The following TUFT1 variants were observed in gnomAD, a reference collection of about 807,000 sequenced individuals.
The protein encoded by TUFT1 is tuftelin.
Under a neutral mutation model 57.8 loss-of-function variants are expected in TUFT1, and 43 were observed. The observed-to-expected ratio is 0.74, with a 90% CI of 0.58 to 0.96. The LOEUF (loss-of-function observed/expected upper bound fraction) is 0.96, where lower values mean the gene tolerates loss of function less well. Ranked by LOEUF, TUFT1 falls within the 40% of genes least tolerant of loss-of-function variation. TUFT1 has a pLI of 0.00. For synonymous variants in TUFT1, 166 were observed against 176.7 expected, an observed-to-expected ratio of 0.94 and a Z score of 0.48; for missense variants, 459 against 489.0, an observed-to-expected ratio of 0.94 and a Z score of 0.58.
chr1:151,554,409 A>T (rs1558004329), intron 1 of TUFT1, among the ~76,000 whole-genome samples: 1 of 151,996 alleles, frequency 6.6e-6, no homozygotes, highest in Non-Finnish European at 1.5e-5. Context: ...ATTTTATTTT[A>T]TTGTTATTGA....
intron 3 of TUFT1, 30 bp downstream of exon 3, chr1:151,562,716 C>T: frequency 6.4e-7 from 1 of 1,571,992 alleles, no homozygotes; most frequent in Non-Finnish European, 8.7e-7. Context: ...AACTTTTCTC[C>T]CTGTCCTCTT....
chr1:151,578,810 G>A lies in TUFT1; in HGVS notation c.908G>A (p.Arg303Gln), dbSNP rs769977326. Residue 303 changes from arginine to glutamine, a missense_variant, in exon 10 of 13, where the codon CGG (arginine) becomes CAG (glutamine). Physicochemically the swap from Arg to Gln is conservative, Grantham distance 43 (BLOSUM62 1). Transcript: ENST00000368849. Reference sequence around the variant, plus strand: ...CTCAAGAGCCAGCAGCGGAAAGTCCGGCAAATGATAGAGCAGGTAAGTTGG... The same window carrying A: ...CTCAAGAGCCAGCAGCGGAAAGTCCAGCAAATGATAGAGCAGGTAAGTTGG... The part of the protein sequence containing the change: ...DMLKSQQRKV[R>Q]QMIEQLQNSK... 2.5e-5 allele frequency: 39 copies of A among 1,570,876 alleles called. No homozygotes were observed. Among genetic ancestry groups the A allele is most frequent in the Non-Finnish European group, 3.1e-5 (36 of 1,156,754 alleles).
chr1:151,572,813 A>C (rs1197128231), intron 7 of TUFT1, among the ~76,000 whole-genome samples: 1 of 152,132 alleles, frequency 6.6e-6, no homozygotes, highest in Non-Finnish European at 1.5e-5. Flanking sequence ...ATCACACATC[A>C]CCTGTGCCGT....
At chr1:151,560,039 T>A (rs1665833595) in intron 1 of TUFT1, among the ~76,000 whole-genome samples, 2 of 149,900 alleles carry the variant, frequency 1.3e-5, no homozygotes, top group East Asian at 4.1e-4. Context: ...CAGGTGATCC[T>A]CCCACCTCGG....
intron 1 of TUFT1, among the ~76,000 whole-genome samples, chr1:151,552,376 C>T (rs984014247): frequency 1.3e-5 from 2 of 152,114 alleles, no homozygotes; most frequent in African/African-American, 4.8e-5. Context: ...CCTTCACCCT[C>T]GGAAGTTTTG....
rs902222868 is a variant in TUFT1 at position 151,582,390 on chromosome 1, T to C, written c.*683T>C. The C allele has an allele frequency of 3.3e-5, 12 of 358,666 alleles. No individual in the cohort carries two copies. Among genetic ancestry groups the C allele is most frequent in the African/African-American group, 2.6e-4 (12 of 46,946 alleles). The allele number at this position is 358,666 out of a possible 1,614,324, so 22.2% of individuals were successfully genotyped here. A position where few individuals can be genotyped will look rare whatever the true frequency, so the allele number is the denominator to read the frequency against. ...GCTACAGACAGTCATGTGTGACTTCTCTCTGCTGTGAAAACTCCCAGAGTC... is the reference window on the plus strand; with the variant it reads ...GCTACAGACAGTCATGTGTGACTTCCCTCTGCTGTGAAAACTCCCAGAGTC... On this transcript the variant is annotated 3_prime_UTR_variant, in exon 13 of 13. Transcript: ENST00000368849.
At chr1:151,574,216 C>A in intron 7 of TUFT1, 54 bp from the exon 8 acceptor site, 1 of 1,566,320 alleles carries the variant, frequency 6.4e-7, no homozygotes, top group Non-Finnish European at 8.6e-7. Context: ...AGGTTTTTTT[C>A]CATGTTTGCT....
intron 1 of TUFT1, among the ~76,000 whole-genome samples, chr1:151,556,218 G>A (rs1173170811): frequency 6.6e-6 from 1 of 152,166 alleles, no homozygotes; most frequent in Admixed American, 6.5e-5. Context: ...AATAACAGAT[G>A]TGCCACAGTT....
intron 5 of TUFT1, chr1:151,565,909 C>A (rs1002248786): frequency 1.8e-5 from 7 of 399,802 alleles, no homozygotes; most frequent in African/African-American, 6.1e-5. Flanking sequence ...CTCTCCACCC[C>A]CTCTTGTTTC....
In TUFT1 at chr1:151,567,387, C is replaced by T. The variant is rs189920398; in HGVS notation, c.480+1159C>T. 7.5e-4 allele frequency among the ~76,000 whole-genome samples: 114 copies of T among 152,090 alleles called. 1 individual carries two copies. In the East Asian group the frequency reaches 0.015, roughly 19 times the overall value. ...TGGCTGGGACTATAGACACGTGCCACCACACCTGGCTAATTTTTGTATTTT... is the reference window on the plus strand; with the variant it reads ...TGGCTGGGACTATAGACACGTGCCATCACACCTGGCTAATTTTTGTATTTT... On this transcript the variant is annotated intron_variant, in intron 6 of 12. Coordinates refer to ENST00000368849, the MANE Select transcript of TUFT1 (RefSeq NM_020127.3).
At chr1:151,563,236 CT>C (rs146270937) in intron 3 of TUFT1, among the ~76,000 whole-genome samples, 1 of 151,118 alleles carries the variant, frequency 6.6e-6, no homozygotes, top group Non-Finnish European at 1.5e-5. Context: ...TTCTCTCTCT[CT>C]TTTTTTTTAT....
Position 151,582,456 on chromosome 1 carries a change from T to C in TUFT1, c.*749T>C. The C allele has an allele frequency of 3.3e-6, 1 of 298,830 alleles. No individual in the cohort carries two copies. The highest frequency in any genetic ancestry group is 6.6e-6 in the Non-Finnish European group (1 of 151,440). The allele number at this position is 298,830 out of a possible 1,614,324, so 18.5% of individuals were successfully genotyped here. On this transcript the variant is annotated 3_prime_UTR_variant, in exon 13 of 13. Transcript: ENST00000368849. ...CCTAAGGTGTACCACCAGGCACACC[T>C]CAGTCTTCTTGACCCAGAGCCTGAA...
intron 7 of TUFT1, among the ~76,000 whole-genome samples, chr1:151,573,892 G>A (rs1377402674): frequency 6.6e-6 from 1 of 152,192 alleles, no homozygotes; most frequent in East Asian, 1.9e-4. Flanking sequence ...GGAACTGGAG[G>A]TATCCTCCCT....
At chr1:151,570,060 C>G (rs775484358) in intron 7 of TUFT1, among the ~76,000 whole-genome samples, 6 of 152,180 alleles carry the variant, frequency 3.9e-5, no homozygotes, top group Non-Finnish European at 5.9e-5. Flanking sequence ...TCATTTCTGT[C>G]TGTGTCGTGG....
intron 1 of TUFT1, among the ~76,000 whole-genome samples, chr1:151,561,124 G>A (rs1267331871): frequency 6.6e-6 from 1 of 151,934 alleles, no homozygotes; most frequent in African/African-American, 2.4e-5. Flanking sequence ...CTCCCGAGTA[G>A]CTGGGACTAC....
chr1:151,550,394 G>C (rs369436004), intron 1 of TUFT1, among the ~76,000 whole-genome samples: 4 of 152,006 alleles, frequency 2.6e-5, no homozygotes, highest in African/African-American at 9.7e-5. Flanking sequence ...ACCCAGGCTG[G>C]AGTGCAATGG....
chr1:151,563,869 T>G, intron 3 of TUFT1, 35 bp from the exon 4 acceptor site: 59 of 1,565,344 alleles, frequency 3.8e-5, no homozygotes, highest in Non-Finnish European at 4.7e-5. Context: ...TAATTTAATT[T>G]GAGGTTTCTT....
intron 11 of TUFT1, among the ~76,000 whole-genome samples, chr1:151,580,533 T>G (rs1265828378): frequency 6.6e-6 from 1 of 151,808 alleles, no homozygotes; most frequent in Non-Finnish European, 1.5e-5. Flanking sequence ...TGTGGTGGCA[T>G]GCATCTGTAG....
At position 151,564,558 on chromosome 1, in the gene TUFT1, A is replaced by AT. The variant is rs1558009250; in HGVS notation, c.359dup (p.Ser121LysfsTer2). The stretch of plus-strand genomic sequence containing the variant: ...CTGCCTACAGAAGCTCCGGGAGGAT[A>AT]TAAGTAGCAAGCTTGACAGGAACCT... On this transcript the variant is annotated frameshift_variant, in exon 5 of 13. Coordinates refer to ENST00000368849, the MANE Select transcript of TUFT1 (RefSeq NM_020127.3). LOFTEE classifies it high-confidence loss of function. The AT allele has an allele frequency of 6.2e-7, 1 of 1,614,152 alleles. No homozygotes were observed. Among genetic ancestry groups the AT allele is most frequent in the East Asian group, 2.2e-5 (1 of 44,878 alleles).
Sources: allele counts gnomAD v4.1 joint callset (sites outside exome capture counted in the v4.1 genomes callset), GRCh38; gene constraint gnomAD v4.1.1; transcripts MANE v1.5; gene names NCBI Gene and HGNC (gene_info 2026-07-23, HGNC 2026-07-21).